Variants in TCF7L1 observed in about 807,000 individuals in gnomAD.
TCF7L1 encodes transcription factor 7 like 1, also known as transcription factor 7-like 1.
TCF7L1 carries 18 observed loss-of-function variants against 63.7 expected under a neutral mutation model. That is an observed-to-expected ratio of 0.28 (90% confidence interval 0.20 to 0.42). TCF7L1 has a LOEUF of 0.42. Ranked by LOEUF, TCF7L1 falls within the 10% of genes least tolerant of loss-of-function variation. The pLI, the probability that TCF7L1 is intolerant of heterozygous loss-of-function variation, is 1.00. For synonymous variants in TCF7L1, 355 were observed against 340.9 expected (o/e 1.04, Z -0.46); for missense variants, 654 against 779.3 (o/e 0.84, Z 1.91).
At chr2:85,302,417 T>C in intron 4 of TCF7L1, 67 bp from the exon 5 acceptor site, 1 of 1,609,374 alleles carries the variant, frequency 6.2e-7, no homozygotes, top group Non-Finnish European at 8.5e-7. Flanking sequence ...CTTGATTCCA[T>C]AAATAACAGC....
chr2:85,164,864 T>G (rs1235236195), intron 3 of TCF7L1, among the ~76,000 whole-genome samples: 2 of 152,238 alleles, frequency 1.3e-5, no homozygotes, highest in African/African-American at 4.8e-5. Context: ...TGTCTTGATA[T>G]ACTGTTATCC....
chr2:85,227,487 T>C (rs1449573646), intron 3 of TCF7L1, among the ~76,000 whole-genome samples: 1 of 151,626 alleles, frequency 6.6e-6, no homozygotes, highest in Non-Finnish European at 1.5e-5. Flanking sequence ...ACAACGATCC[T>C]AATTTCATGT....
At chr2:85,255,623 G>A (rs78012323) in intron 3 of TCF7L1, among the ~76,000 whole-genome samples, 30,677 of 152,142 alleles carry the variant, frequency 0.2, 3,274 homozygotes, top group Middle Eastern at 0.26. Context: ...CTGGGTCTGC[G>A]AGGCCTGCCT....
intron 3 of TCF7L1, among the ~76,000 whole-genome samples, chr2:85,244,735 C>T (rs969752184): frequency 2.6e-5 from 4 of 152,072 alleles, no homozygotes; most frequent in African/African-American, 9.7e-5. Context: ...GAGACAGAGA[C>T]TTTAGTCATC....
chr2:85,172,734 C>T (rs1678578038), intron 3 of TCF7L1, among the ~76,000 whole-genome samples: 1 of 152,138 alleles, frequency 6.6e-6, no homozygotes, highest in African/African-American at 2.4e-5. Flanking sequence ...CCACCTAGAA[C>T]ATTCTTTATC....
chr2:85,288,371 C>T (rs1012397043), intron 4 of TCF7L1, among the ~76,000 whole-genome samples: 5 of 152,032 alleles, frequency 3.3e-5, no homozygotes, highest in Admixed American at 1.3e-4. Context: ...AAACCAGAGG[C>T]GGAGTGGAAG....
chr2:85,155,591 C>T (rs539854319), intron 3 of TCF7L1, among the ~76,000 whole-genome samples: 18 of 152,312 alleles, frequency 1.2e-4, no homozygotes, highest in Admixed American at 2.6e-4. Flanking sequence ...AGTCTTCGTA[C>T]TTCATTTTCA....
At chr2:85,269,532 G>A (rs920573885) in intron 3 of TCF7L1, among the ~76,000 whole-genome samples, 10 of 152,274 alleles carry the variant, frequency 6.6e-5, no homozygotes, top group South Asian at 4.2e-4. Flanking sequence ...TGTTGCCCAG[G>A]CTACTGTTGA....
At chr2:85,154,897 A>G (rs1338356509) in intron 3 of TCF7L1, among the ~76,000 whole-genome samples, 1 of 151,728 alleles carries the variant, frequency 6.6e-6, no homozygotes, top group Admixed American at 6.6e-5. Flanking sequence ...GCTCACTGCA[A>G]CCTCTGCCTC....
At chr2:85,289,966 G>A (rs925934201) in intron 4 of TCF7L1, among the ~76,000 whole-genome samples, 6 of 127,994 alleles carry the variant, frequency 4.7e-5, no homozygotes, top group African/African-American at 1.5e-4. Flanking sequence ...GAGCCACCAC[G>A]CCTAGCCCAG....
At chr2:85,202,454 A>G (rs377304937) in intron 3 of TCF7L1, among the ~76,000 whole-genome samples, 89 of 152,262 alleles carry the variant, frequency 5.8e-4, no homozygotes, top group African/African-American at 2.1e-3. Context: ...ATTTTGATGA[A>G]GTCTAATTTA....
chr2:85,161,314 T>A (rs1343390066), intron 3 of TCF7L1, among the ~76,000 whole-genome samples: 1 of 152,372 alleles, frequency 6.6e-6, no homozygotes, highest in Admixed American at 6.5e-5. Flanking sequence ...AAGTGTGATT[T>A]ACTTTCTTGG....
chr2:85,204,291 T>TCCC (rs58706474), intron 3 of TCF7L1, among the ~76,000 whole-genome samples: 9 of 22,056 alleles, frequency 4.1e-4, no homozygotes, highest in African/African-American at 9.3e-4. Flanking sequence ...ATAACTTGCT[T>TCCC]CCCCCCCCCC....
intron 3 of TCF7L1, among the ~76,000 whole-genome samples, chr2:85,276,614 C>T (rs998212007): frequency 1.3e-5 from 2 of 152,122 alleles, no homozygotes; most frequent in African/African-American, 4.8e-5. Context: ...AGTCAGCCTT[C>T]TAAACACCAG....
chr2:85,281,876 G>A (rs573570866), intron 3 of TCF7L1, among the ~76,000 whole-genome samples: 2 of 152,286 alleles, frequency 1.3e-5, no homozygotes, highest in East Asian at 1.9e-4. Context: ...AAGAGCAAAG[G>A]GGCCTTCTGG....
At chr2:85,186,488 C>T (rs1678928083) in intron 3 of TCF7L1, 1 of 152,200 alleles carries the variant, frequency 6.6e-6, no homozygotes, top group African/African-American at 2.4e-5. Flanking sequence ...CCATGATGAG[C>T]ATTCCTCAGG....
intron 3 of TCF7L1, among the ~76,000 whole-genome samples, chr2:85,209,871 A>T (rs1388484129): frequency 6.6e-6 from 1 of 152,200 alleles, no homozygotes; most frequent in Non-Finnish European, 1.5e-5. Flanking sequence ...AATTTAGCAG[A>T]TCTGGGGTGG....
At chr2:85,225,153 A>T (rs980811637) in intron 3 of TCF7L1, among the ~76,000 whole-genome samples, 14 of 152,326 alleles carry the variant, frequency 9.2e-5, no homozygotes, top group African/African-American at 3.4e-4. Flanking sequence ...CTGTTTTGGT[A>T]CCAGTACCAT....
chr2:85,263,122 G>T (rs2104348357), intron 3 of TCF7L1, among the ~76,000 whole-genome samples: 1 of 152,334 alleles, frequency 6.6e-6, no homozygotes, highest in Non-Finnish European at 1.5e-5. Flanking sequence ...ACTGGCAAAA[G>T]CATGGCAGCC....
Sources: gnomAD v4.1 joint callset for allele counts (sites outside exome capture counted in the v4.1 genomes callset) on GRCh38, gnomAD v4.1.1 for gene constraint, MANE v1.5 for transcripts, NCBI Gene and HGNC (gene_info 2026-07-23, HGNC 2026-07-21) for gene names.